Variants in FHOD3 observed in about 807,000 individuals in gnomAD.
The protein encoded by FHOD3 is formin homology 2 domain containing 3.
In FHOD3, 90 loss-of-function variants were observed where a neutral mutation model predicts 173.0. The observed-to-expected ratio is 0.52, with a 90% CI of 0.44 to 0.62. FHOD3 has a LOEUF of 0.62. FHOD3 is among the 20% of genes least tolerant of loss of function. The pLI is 0.00. For synonymous variants in FHOD3, 828 were observed against 823.0 expected, an observed-to-expected ratio of 1.01 and a Z score of -0.10; for missense variants, 1,945 against 2,034.7, an observed-to-expected ratio of 0.96 and a Z score of 0.85.
chr18:36,733,886 C>T (rs1208762768), intron 20 of FHOD3, among the ~76,000 whole-genome samples: 1 of 152,158 alleles, frequency 6.6e-6, no homozygotes, highest in African/African-American at 2.4e-5. Flanking sequence ...GGCTCCCAAG[C>T]CAGTGAGCCA....
In FHOD3 at chr18:36,679,900, A is replaced by G. The variant is rs562862592; in HGVS notation, c.1836-1536A>G. On this transcript the variant is annotated intron_variant, in intron 14 of 28. Coordinates refer to ENST00000590592, the MANE Select transcript of FHOD3 (RefSeq NM_001281740.3). Reference sequence around the variant, plus strand: ...CATGTTAATCTATTAGATAAAACTTATTAATTGGGTTAAACAAATCTATTA... The same window carrying G: ...CATGTTAATCTATTAGATAAAACTTGTTAATTGGGTTAAACAAATCTATTA... 3.9e-5 allele frequency among the ~76,000 whole-genome samples: 6 copies of G among 152,334 alleles called. No individual in the cohort carries two copies. In the South Asian group the frequency reaches 1.2e-3, roughly 32 times the overall value.
rs148758114 is a variant in FHOD3, at chr18:36,481,383, C to T, written c.338-20549C>T. 5.9e-5 allele frequency among the ~76,000 whole-genome samples: 9 copies of T among 151,930 alleles called. No homozygotes were observed. In the East Asian group the frequency reaches 1.5e-3, roughly 26 times the overall value. On this transcript the variant is annotated intron_variant, in intron 3 of 28. Transcript: ENST00000590592. ...AAGAAAGGGAGTATTACCATATGGT[C>T]CTTCTAGTGGGATTGCAAAATTTCC...
chr18:36,745,154 T>C (rs2042088922), intron 23 of FHOD3, among the ~76,000 whole-genome samples: 1 of 152,156 alleles, frequency 6.6e-6, no homozygotes, highest in Non-Finnish European at 1.5e-5. Flanking sequence ...AGCCCTGGCT[T>C]GTGGGGACCT....
intron 2 of FHOD3, among the ~76,000 whole-genome samples, chr18:36,372,418 G>A (rs1598876204): frequency 6.6e-6 from 1 of 152,232 alleles, no homozygotes; most frequent in African/African-American, 2.4e-5. Context: ...ACTTTGTGCA[G>A]ACTCTGTGGA....
chr18:36,365,927 C>T (rs1171325340), intron 2 of FHOD3, among the ~76,000 whole-genome samples: 3 of 152,120 alleles, frequency 2.0e-5, no homozygotes, highest in African/African-American at 7.2e-5. Flanking sequence ...GAGAGTTGAC[C>T]TGTTTTGGTA....
chr18:36,497,274 G>T (rs1165789052), intron 3 of FHOD3, among the ~76,000 whole-genome samples: 1 of 152,160 alleles, frequency 6.6e-6, no homozygotes, highest in Non-Finnish European at 1.5e-5. Flanking sequence ...AAGAGGAGAG[G>T]TTTTTGGCAC....
At position 36,744,241 on chromosome 18, in the gene FHOD3, G is replaced by T. The variant is rs567279109; in HGVS notation, c.4041+48G>T. The T allele has an allele frequency of 5.1e-6, 8 of 1,573,138 alleles. No individual in the cohort carries two copies. In the South Asian group the frequency reaches 6.9e-5, roughly 14 times the overall value. The stretch of plus-strand genomic sequence containing the variant: ...GTGGGCCTGGTCTCGCTGCAGCCAC[G>T]GGATCTTTATCGGTCATCCTCGAGG... On this transcript the variant is annotated intron_variant, in intron 23 of 28. Transcript: ENST00000590592.
intron 4 of FHOD3, among the ~76,000 whole-genome samples, chr18:36,511,401 A>C (rs1473899490): frequency 7.1e-6 from 1 of 140,166 alleles, no homozygotes; most frequent in Non-Finnish European, 1.5e-5. Flanking sequence ...CCTGAGTCTT[A>C]GTGTCTTTAT....
chr18:36,764,612 T>C (rs967257382), intron 27 of FHOD3, among the ~76,000 whole-genome samples: 1 of 151,998 alleles, frequency 6.6e-6, no homozygotes, highest in Non-Finnish European at 1.5e-5. Flanking sequence ...TTGTACCAAT[T>C]TTAAAGGAAA....
At chr18:36,742,197 A>ACC (rs2041935703) in intron 21 of FHOD3, among the ~76,000 whole-genome samples, 1 of 152,110 alleles carries the variant, frequency 6.6e-6, no homozygotes, top group African/African-American at 2.4e-5. Context: ...GAGGCTACAG[A>ACC]GCAGGCTGGA....
intron 3 of FHOD3, among the ~76,000 whole-genome samples, chr18:36,444,796 T>C (rs2051371800): frequency 6.6e-6 from 1 of 152,206 alleles, no homozygotes; most frequent in South Asian, 2.1e-4. Flanking sequence ...GACATCTGCA[T>C]CATATTCCAT....
intron 3 of FHOD3, among the ~76,000 whole-genome samples, chr18:36,383,043 C>T (rs961113271): frequency 3.3e-5 from 5 of 152,178 alleles, no homozygotes; most frequent in East Asian, 1.9e-4. Context: ...CACACTTCCA[C>T]GGGGAGTGCC....
intron 3 of FHOD3, among the ~76,000 whole-genome samples, chr18:36,380,566 T>TCC (rs768530356): frequency 8.7e-6 from 1 of 114,562 alleles, no homozygotes; most frequent in African/African-American, 3.5e-5. Context: ...TCTTTTCTTT[T>TCC]CTTTTCTTTT....
At position 36,297,864 on chromosome 18, in the gene FHOD3, T is replaced by C; in HGVS notation, c.29T>C (p.Phe10Ser). The C allele has an allele frequency of 6.5e-7, 1 of 1,543,220 alleles. No homozygotes were observed. The highest frequency in any genetic ancestry group is 8.7e-7 in the Non-Finnish European group (1 of 1,145,038). ...GCCACGCTGGCTTGCCGGGTGCAGT[T>C]CTTGGACGACACGGACCCTTTCAAC... MATLACRVQ[F>S]LDDTDPFNST... The change falls in exon 1 of 29, where the codon TTC becomes TCC. Residue 10 changes from phenylalanine (F) to serine (S), a missense_variant. Coordinates refer to ENST00000590592, the MANE Select transcript of FHOD3 (RefSeq NM_001281740.3).
chr18:36,689,692 G>A (rs1015022969), intron 16 of FHOD3, among the ~76,000 whole-genome samples: 2 of 152,206 alleles, frequency 1.3e-5, no homozygotes, highest in African/African-American at 4.8e-5. Context: ...GGGGTGTGTT[G>A]TGGGGTAGCA....
At chr18:36,318,753 T>C (rs892913324) in intron 1 of FHOD3, among the ~76,000 whole-genome samples, 1 of 152,194 alleles carries the variant, frequency 6.6e-6, no homozygotes, top group Non-Finnish European at 1.5e-5. Context: ...GAACTTCCAA[T>C]ACTATGTTGA....
intron 11 of FHOD3, among the ~76,000 whole-genome samples, chr18:36,652,339 T>C (rs1402911866): frequency 2.6e-5 from 4 of 152,264 alleles, no homozygotes; most frequent in Non-Finnish European, 5.9e-5. Context: ...CCTTGCCCTC[T>C]ATAAGTCTTA....
At chr18:36,763,585 TG>T (rs2043012567) in intron 27 of FHOD3, among the ~76,000 whole-genome samples, 1 of 147,832 alleles carries the variant, frequency 6.8e-6, no homozygotes, top group Non-Finnish European at 1.5e-5. Flanking sequence ...ATATATAATA[TG>T]TGTATTATAC....
chr18:36,424,393 TATTATA>T, intron 3 of FHOD3, among the ~76,000 whole-genome samples: 1 of 152,160 alleles, frequency 6.6e-6, no homozygotes, highest in Non-Finnish European at 1.5e-5. Flanking sequence ...GTGTATGTTG[TATTATA>T]ACAGAACTGC....
Sources: gnomAD v4.1 joint callset for allele counts (sites outside exome capture counted in the v4.1 genomes callset) on GRCh38, gnomAD v4.1.1 for gene constraint, MANE v1.5 for transcripts, NCBI Gene and HGNC (gene_info 2026-07-23, HGNC 2026-07-21) for gene names.